Variants in IGSF5 observed in about 807,000 individuals in gnomAD.
IGSF5 encodes the protein immunoglobulin superfamily member 5, also known as immunoglobulin superfamily 5 like.
In IGSF5, 41 loss-of-function variants were observed where a neutral mutation model predicts 39.4. The ratio of observed to expected loss-of-function variants is 1.04; its 90% CI spans 0.81 to 1.35. The LOEUF is 1.35. Among genes scored for constraint, IGSF5 ranks in the 40% most tolerant of loss-of-function variants. The pLI, the probability that IGSF5 is intolerant of heterozygous loss-of-function variation, is 0.00. For missense variants in IGSF5, 487 were observed against 494.6 expected, an observed-to-expected ratio of 0.98 and a Z score of 0.15; for synonymous variants, 183 against 175.3, an observed-to-expected ratio of 1.04 and a Z score of -0.34.
At chr21:39,751,196 C>T (rs1212827816) in intron 2 of IGSF5, 1 of 152,276 alleles carries the variant, frequency 6.6e-6, no homozygotes, top group Admixed American at 6.5e-5. Context: ...GGTGAGGCAG[C>T]ATCAGGACTC....
Position 39,762,944 on chromosome 21 carries a change from G to A in IGSF5, c.101-2591G>A, listed in dbSNP as rs559269437. Reference sequence around the variant, plus strand: ...AGACATTGATCTTTCCCAGTGCTCTGCCCCCCATCTGGCTGTTTGCTCTAT... The same window carrying A: ...AGACATTGATCTTTCCCAGTGCTCTACCCCCCATCTGGCTGTTTGCTCTAT... On this transcript the variant is annotated intron_variant, in intron 2 of 8. Transcript: ENST00000380588. Among the ~76,000 whole-genome samples the A allele has an allele frequency of 8.5e-5, 13 of 152,220 alleles. No homozygotes were observed. The East Asian group carries it at 1.7e-3, about 20-fold the overall frequency.
At chr21:39,721,266 C>T in the IGSF5 span, among the ~76,000 whole-genome samples, 3 of 152,078 alleles carry the variant, frequency 2.0e-5, no homozygotes, top group Non-Finnish European at 2.9e-5. Context: ...CGTTTAGTCC[C>T]GGTAAAGTGA....
chr21:39,756,030 G>A (rs112532179), intron 2 of IGSF5, among the ~76,000 whole-genome samples: 17,876 of 152,150 alleles, frequency 0.12, 1,091 homozygotes, highest in Middle Eastern at 0.18. Flanking sequence ...GGCGGAGGTT[G>A]CAGTGAGCCG....
At chr21:39,782,824 C>G (rs1223860757) in intron 5 of IGSF5, among the ~76,000 whole-genome samples, 1 of 152,124 alleles carries the variant, frequency 6.6e-6, no homozygotes, top group Non-Finnish European at 1.5e-5. Context: ...TGAAACTTTT[C>G]CTCTTATCTA....
chr21:39,760,765 T>C (rs1044769603), intron 2 of IGSF5, among the ~76,000 whole-genome samples: 1 of 152,156 alleles, frequency 6.6e-6, no homozygotes, highest in African/African-American at 2.4e-5. Context: ...AGAGACGGGG[T>C]TTCACTATGT....
chr21:39,762,812 T>C (rs1296900108), intron 2 of IGSF5, among the ~76,000 whole-genome samples: 2 of 152,076 alleles, frequency 1.3e-5, no homozygotes, highest in East Asian at 3.9e-4. Flanking sequence ...TAGGGTGGAC[T>C]CCCCAGTCCC....
At chr21:39,801,001 A>G (rs1297562412) in intron 8 of IGSF5, among the ~76,000 whole-genome samples, 2 of 152,288 alleles carry the variant, frequency 1.3e-5, no homozygotes, top group African/African-American at 4.8e-5. Context: ...ACAAAACAAA[A>G]CAATGAGTCG....
chr21:39,717,770 A>G, the IGSF5 span, among the ~76,000 whole-genome samples: 1 of 152,216 alleles, frequency 6.6e-6, no homozygotes, highest in Non-Finnish European at 1.5e-5. Context: ...GAAATCAGGT[A>G]ACATAATTCC....
chr21:39,757,247 G>A (rs928787406), intron 2 of IGSF5, among the ~76,000 whole-genome samples: 1 of 132,270 alleles, frequency 7.6e-6, no homozygotes, highest in Admixed American at 8.2e-5. Flanking sequence ...CTTCTAATAG[G>A]CCATATCATC....
Position 39,765,542 on chromosome 21 carries a change from G to A in IGSF5, c.108G>A (p.Gly36=). Residue 36 remains glycine (G), a synonymous_variant, in exon 3 of 9, where the codon GGG becomes GGA. Transcript: ENST00000380588. ...AAATTGGCTACCTTCCAGGTTCTGG[G>A]TCTGGTAATGAAGTCATAGAAGGCC... is the stretch of plus-strand genomic sequence containing the variant. The part of the protein sequence containing the change: ...WWQTAVVDGS[G]SGNEVIEGPQ... The A allele has an allele frequency of 6.2e-7, 1 of 1,610,462 alleles. No individual in the cohort carries two copies. The highest frequency in any genetic ancestry group is 8.5e-7 in the Non-Finnish European group (1 of 1,176,910).
intron 2 of IGSF5, among the ~76,000 whole-genome samples, chr21:39,761,192 C>A (rs903560762): frequency 5.9e-5 from 9 of 152,160 alleles, no homozygotes; most frequent in African/African-American, 2.2e-4. Context: ...CTGGGATAAC[C>A]AGCTAGCCAA....
At chr21:39,756,202 G>T (rs1198573683) in intron 2 of IGSF5, among the ~76,000 whole-genome samples, 1 of 152,226 alleles carries the variant, frequency 6.6e-6, no homozygotes, top group Admixed American at 6.5e-5. Context: ...AGAAACAAAG[G>T]GGTGGAAACC....
At chr21:39,786,203 G>A (rs1263886088) in intron 5 of IGSF5, among the ~76,000 whole-genome samples, 4 of 150,728 alleles carry the variant, frequency 2.7e-5, no homozygotes, top group Admixed American at 6.6e-5. Flanking sequence ...TTTGCAACCT[G>A]CTCATCTGAC....
At chr21:39,770,632 T>C (rs1366332960) in intron 3 of IGSF5, among the ~76,000 whole-genome samples, 1 of 151,892 alleles carries the variant, frequency 6.6e-6, no homozygotes, top group African/African-American at 2.4e-5. Context: ...ACATAATTAT[T>C]TCCCCCTGGT....
chr21:39,791,002 A>C (rs1431379247), intron 6 of IGSF5, among the ~76,000 whole-genome samples: 3 of 152,348 alleles, frequency 2.0e-5, no homozygotes, highest in Non-Finnish European at 4.4e-5. Context: ...ACACCATTTT[A>C]TATCAGAGAC....
intron 4 of IGSF5, among the ~76,000 whole-genome samples, chr21:39,772,464 C>T (rs1460826579): frequency 1.3e-5 from 2 of 152,128 alleles, no homozygotes; most frequent in Admixed American, 1.3e-4. Flanking sequence ...TTCTCACAGT[C>T]CTGGAGGTTG....
Position 39,756,119 on chromosome 21 carries a change from AAACG to A in IGSF5, c.101-9413_101-9410del, listed in dbSNP as rs1439360627. Among the ~76,000 whole-genome samples, 7 of 117,876 alleles carry A rather than the reference AAACG, an allele frequency of 5.9e-5. No homozygotes were observed. The East Asian group carries it at 1.5e-3, about 25-fold the overall frequency. 77.3% of individuals were successfully genotyped at this position (117,876 alleles called of 152,430 possible). A position where few individuals can be genotyped will look rare whatever the true frequency, so the allele number is the denominator to read the frequency against. On this transcript the variant is annotated intron_variant, in intron 2 of 8. Coordinates refer to ENST00000380588, the MANE Select transcript of IGSF5 (RefSeq NM_001080444.2). ...CAAACAAACAAACAAACAAACAAAC[AAACG>A]AAAGAATTACAGACACAAGTAGTTA...
intron 5 of IGSF5, among the ~76,000 whole-genome samples, chr21:39,786,978 G>C (rs1447558886): frequency 6.6e-6 from 1 of 152,152 alleles, no homozygotes; most frequent in Non-Finnish European, 1.5e-5. Context: ...GGAAGGGGGA[G>C]GGATAGCACT....
chr21:39,758,322 G>T (rs975223639), intron 2 of IGSF5, among the ~76,000 whole-genome samples: 1 of 152,062 alleles, frequency 6.6e-6, no homozygotes. Context: ...CTCCCAGAAC[G>T]GTCCTTCAGG....
Sources: gnomAD v4.1 joint callset for allele counts (sites outside exome capture counted in the v4.1 genomes callset) on GRCh38, gnomAD v4.1.1 for gene constraint, MANE v1.5 for transcripts, NCBI Gene and HGNC (gene_info 2026-07-23, HGNC 2026-07-21) for gene names.